The following OGDH variants were observed in gnomAD, a reference collection of about 807,000 sequenced individuals.
OGDH encodes 2-oxoglutarate dehydrogenase complex component E1.
Under a neutral mutation model 116.6 loss-of-function variants are expected in OGDH, and 38 were observed. That is an observed-to-expected ratio of 0.33 (90% CI 0.25 to 0.43). OGDH has a LOEUF of 0.43. Ranked by LOEUF, OGDH falls within the 20% of genes least tolerant of loss-of-function variation. OGDH has a pLI of 1.00. For synonymous variants in OGDH, 488 were observed against 533.3 expected (o/e 0.92, Z 1.17); for missense variants, 825 against 1,357.2 (o/e 0.61, Z 6.16).
chr7:44,669,471 C>A (rs958051345), intron 5 of OGDH, among the ~76,000 whole-genome samples: 2 of 150,014 alleles, frequency 1.3e-5, no homozygotes, highest in Non-Finnish European at 3.0e-5. Flanking sequence ...CATCCTTAAA[C>A]ATGCTCTCAC....
At chr7:44,693,240 G>A (rs941490303) in intron 10 of OGDH, among the ~76,000 whole-genome samples, 4 of 152,014 alleles carry the variant, frequency 2.6e-5, no homozygotes, top group Non-Finnish European at 5.9e-5. Flanking sequence ...CCCGGGAGGT[G>A]GAAGTTGCAG....
At chr7:44,668,044 C>T (rs1419400011) in intron 5 of OGDH, among the ~76,000 whole-genome samples, 6 of 152,128 alleles carry the variant, frequency 3.9e-5, no homozygotes, top group African/African-American at 1.2e-4. Flanking sequence ...AATCAGAAGC[C>T]CTCTAGCACC....
Position 44,698,180 on chromosome 7 carries a change from G to T in OGDH, c.2359-12G>T. 1 of 1,614,192 alleles carries T rather than the reference G, an allele frequency of 6.2e-7. No individual in the cohort carries two copies. The highest frequency in any genetic ancestry group is 8.5e-7 in the Non-Finnish European group (1 of 1,180,014). The stretch of plus-strand genomic sequence containing the variant: ...AGAGCTCTTAAACTGTAACTTGCGT[G>T]TGTGGTTCCAGGGTCCAGAACATTC... On this transcript the variant is annotated splice_polypyrimidine_tract_variant and intron_variant, in intron 17 of 22. Transcript: ENST00000222673.
intron 4 of OGDH, among the ~76,000 whole-genome samples, chr7:44,653,808 G>T (rs1786560223): frequency 6.6e-6 from 1 of 151,994 alleles, no homozygotes; most frequent in Non-Finnish European, 1.5e-5. Flanking sequence ...TTACAGGCGT[G>T]AGCCACTGTG....
At chr7:44,690,536 G>A (rs7805125) in intron 10 of OGDH, among the ~76,000 whole-genome samples, 21,632 of 152,150 alleles carry the variant, frequency 0.14, 3,391 homozygotes, top group African/African-American at 0.37. Context: ...AAAGTACAGC[G>A]TATATTTGGA....
In OGDH at chr7:44,675,965, A is replaced by G. The variant is rs1187832549; in HGVS notation, c.1027-5A>G. 4 of 1,613,108 alleles carry G rather than the reference A, an allele frequency of 2.5e-6. No homozygotes were observed. The highest frequency in any genetic ancestry group is 3.4e-6 in the Non-Finnish European group (4 of 1,179,408). The stretch of plus-strand genomic sequence containing the variant: ...AGGGTGCAAATTCACTGTTTACCCC[A>G]TCAGGGCTCCGGAGATGTGAAGTAC... On this transcript the variant is annotated splice_region_variant and splice_polypyrimidine_tract_variant and intron_variant, in intron 8 of 22. Coordinates refer to ENST00000222673, the MANE Select transcript of OGDH (RefSeq NM_002541.4).
chr7:44,694,597 C>A lies in OGDH; in HGVS notation c.1668+21C>A, dbSNP rs777542578. On this transcript the variant is annotated intron_variant, in intron 12 of 22. Coordinates refer to ENST00000222673, the MANE Select transcript of OGDH (RefSeq NM_002541.4). The surrounding 1 kb of genome is among the most constrained non-coding windows in gnomAD (Gnocchi z 4.2). ...ATGAGGTACGTCCCTGCGGCTCTATCCCAGTGCGCCTTTCCAGGGCTGGCG... is the reference window on the plus strand; with the variant it reads ...ATGAGGTACGTCCCTGCGGCTCTATACCAGTGCGCCTTTCCAGGGCTGGCG... The A allele has an allele frequency of 5.0e-6, 8 of 1,610,056 alleles. No individual in the cohort carries two copies. Among genetic ancestry groups the A allele is most frequent in the Non-Finnish European group, 6.8e-6 (8 of 1,176,550 alleles).
At chr7:44,608,714 C>T (rs1784449685) in intron 1 of OGDH, among the ~76,000 whole-genome samples, 1 of 151,224 alleles carries the variant, frequency 6.6e-6, no homozygotes. Context: ...GAGCAAGACT[C>T]CATCTCAAAA....
chr7:44,617,984 G>A (rs1585222638), intron 1 of OGDH, among the ~76,000 whole-genome samples: 1 of 152,120 alleles, frequency 6.6e-6, no homozygotes, highest in South Asian at 2.1e-4. Context: ...GGGGAAATTC[G>A]AGGCATAGAC....
At chr7:44,691,103 AG>A (rs1348050662) in intron 10 of OGDH, among the ~76,000 whole-genome samples, 1 of 152,204 alleles carries the variant, frequency 6.6e-6, no homozygotes, top group Admixed American at 6.5e-5. Flanking sequence ...GTGTGGCATC[AG>A]GAAGATCTGT....
At chr7:44,626,318 C>CACACACAT (rs2117304795) in intron 2 of OGDH, among the ~76,000 whole-genome samples, 1 of 135,178 alleles carries the variant, frequency 7.4e-6, no homozygotes, top group African/African-American at 2.8e-5. Context: ...CACACACACA[C>CACACACAT]ACACACACAC....
intron 2 of OGDH, among the ~76,000 whole-genome samples, chr7:44,630,335 G>A (rs1026840932): frequency 6.6e-6 from 1 of 152,022 alleles, no homozygotes; most frequent in Non-Finnish European, 1.5e-5. Context: ...GTATGTGGAA[G>A]TCTGATGGAA....
At chr7:44,618,983 T>C (rs1784908232) in intron 1 of OGDH, among the ~76,000 whole-genome samples, 1 of 152,224 alleles carries the variant, frequency 6.6e-6, no homozygotes. Context: ...CCTATCTACA[T>C]GGTTATCTAT....
chr7:44,667,965 A>G (rs1312605832), intron 5 of OGDH, among the ~76,000 whole-genome samples: 1 of 152,120 alleles, frequency 6.6e-6, no homozygotes, highest in Non-Finnish European at 1.5e-5. Context: ...TGTTCCTCTC[A>G]TGGCTGGACA....
At chr7:44,695,026 C>T (rs755666869) in intron 12 of OGDH, among the ~76,000 whole-genome samples, 1 of 152,084 alleles carries the variant, frequency 6.6e-6, no homozygotes, top group Non-Finnish European at 1.5e-5. Flanking sequence ...CAGGACAGAT[C>T]CCAGATCAGA....
chr7:44,658,388 T>C (rs1196932283), intron 4 of OGDH, among the ~76,000 whole-genome samples: 2 of 152,010 alleles, frequency 1.3e-5, no homozygotes, highest in African/African-American at 4.8e-5. Flanking sequence ...TGGTAGTATA[T>C]AGAAATATAA....
At chr7:44,626,882 T>C (rs1785227747) in intron 2 of OGDH, among the ~76,000 whole-genome samples, 1 of 152,206 alleles carries the variant, frequency 6.6e-6, no homozygotes. Flanking sequence ...ATCCCGGTTG[T>C]CATCCAGCAC....
At chr7:44,616,819 ATATATG>A (rs1784810872) in intron 1 of OGDH, among the ~76,000 whole-genome samples, 1 of 130,500 alleles carries the variant, frequency 7.7e-6, no homozygotes, top group Non-Finnish European at 1.6e-5. Flanking sequence ...ATATATACGT[ATATATG>A]TGTATATATA....
chr7:44,647,902 G>A (rs1296883840), intron 4 of OGDH, 143 bp downstream of exon 4: 2 of 605,840 alleles, frequency 3.3e-6, no homozygotes, highest in African/African-American at 3.7e-5. Context: ...CGGTATTGTA[G>A]CCTTAGTGTG....
Sources: gnomAD v4.1 joint callset for allele counts (sites outside exome capture counted in the v4.1 genomes callset) on GRCh38, gnomAD v4.1.1 for gene constraint, Gnocchi (gnomAD v3.1) non-coding constraint, MANE v1.5 for transcripts, NCBI Gene and HGNC (gene_info 2026-07-23, HGNC 2026-07-21) for gene names.